The following SHISA9 variants were observed in gnomAD, a reference collection of about 807,000 sequenced individuals.
SHISA9 encodes the protein protein shisa-9.
Under a neutral mutation model 38.0 loss-of-function variants are expected in SHISA9, and 13 were observed. The ratio of observed to expected loss-of-function variants is 0.34; its 90% CI spans 0.22 to 0.54. The LOEUF is 0.54. Among genes scored for constraint, SHISA9 ranks in the 20% least tolerant of loss-of-function variants. SHISA9 has a pLI of 0.91. For synonymous variants in SHISA9, 275 were observed against 242.0 expected, an observed-to-expected ratio of 1.14 and a Z score of -1.27; for missense variants, 538 against 575.8, an observed-to-expected ratio of 0.93 and a Z score of 0.67.
chr16:12,993,493 GATAAA>G (rs1226746783), intron 2 of SHISA9, among the ~76,000 whole-genome samples: 3 of 152,216 alleles, frequency 2.0e-5, no homozygotes, highest in Non-Finnish European at 4.4e-5. Flanking sequence ...CAGGCATGAT[GATAAA>G]ATAAAATAAC....
chr16:13,145,184 T>C (rs1468613519), intron 2 of SHISA9, among the ~76,000 whole-genome samples: 1 of 152,168 alleles, frequency 6.6e-6, no homozygotes, highest in Non-Finnish European at 1.5e-5. Context: ...TGCAGCATAG[T>C]CCATTTTTGA....
At chr16:13,392,561 G>A in the SHISA9 span, among the ~76,000 whole-genome samples, 5 of 152,164 alleles carry the variant, frequency 3.3e-5, no homozygotes, top group African/African-American at 4.8e-5. Flanking sequence ...CGGCATTACA[G>A]ATCACTTAGA....
the SHISA9 span, among the ~76,000 whole-genome samples, chr16:13,308,522 G>A: frequency 2.0e-5 from 3 of 152,136 alleles, no homozygotes; most frequent in Non-Finnish European, 4.4e-5. Flanking sequence ...ATGGGTCTCA[G>A]ACAAATATTC....
chr16:13,145,393 G>A (rs1484365636), intron 2 of SHISA9, among the ~76,000 whole-genome samples: 4 of 152,150 alleles, frequency 2.6e-5, no homozygotes, highest in Admixed American at 2.6e-4. Flanking sequence ...CAGGTGTGGT[G>A]GTAGGCACCT....
intron 1 of SHISA9, chr16:12,909,283 C>A (rs1366666101): frequency 1.0e-6 from 1 of 985,042 alleles, no homozygotes; most frequent in Non-Finnish European, 1.2e-6. Context: ...TGAGCTTGGA[C>A]AAATGTCTAT....
intron 2 of SHISA9, among the ~76,000 whole-genome samples, chr16:13,071,600 C>CCTTCCTTCCTTCCTTCCTT (rs372979908): frequency 3.5e-4 from 51 of 145,256 alleles, no homozygotes; most frequent in African/African-American, 1.2e-3. Context: ...TTCCTTCCTT[C>CCTTCCTTCCTTCCTTCCTT]CCTTTCTTCC....
chr16:13,136,396 CTTTTTTTTTTT>C (rs35122409), intron 2 of SHISA9, among the ~76,000 whole-genome samples: 9 of 68,090 alleles, frequency 1.3e-4, no homozygotes, highest in East Asian at 4.5e-4. Flanking sequence ...CAGTTTCCTT[CTTTTTTTTTTT>C]TTTTTTTTTT....
At chr16:12,934,040 T>C (rs1399840023) in intron 2 of SHISA9, among the ~76,000 whole-genome samples, 2 of 152,022 alleles carry the variant, frequency 1.3e-5, no homozygotes, top group Non-Finnish European at 2.9e-5. Context: ...AAGGGCATTC[T>C]AGCCAAAACA....
chr16:13,550,300 C>T, the SHISA9 span, among the ~76,000 whole-genome samples: 1 of 152,100 alleles, frequency 6.6e-6, no homozygotes, highest in East Asian at 1.9e-4. Flanking sequence ...AGAAACTCTC[C>T]CATTCAGTTT....
intron 2 of SHISA9, among the ~76,000 whole-genome samples, chr16:13,185,371 A>G (rs2050811577): frequency 6.6e-6 from 1 of 152,014 alleles, no homozygotes; most frequent in African/African-American, 2.4e-5. Context: ...CTGGCTACTT[A>G]AAAATTTTTT....
chr16:13,017,043 G>A (rs1172126198), intron 2 of SHISA9, among the ~76,000 whole-genome samples: 1 of 148,422 alleles, frequency 6.7e-6, no homozygotes, highest in Non-Finnish European at 1.5e-5. Context: ...TTTTTGAGAC[G>A]GAGTCTTGCT....
At chr16:13,281,461 T>C in the SHISA9 span, among the ~76,000 whole-genome samples, 1 of 151,724 alleles carries the variant, frequency 6.6e-6, no homozygotes, top group Non-Finnish European at 1.5e-5. Context: ...TTAATTTTGG[T>C]GTGGTCCATT....
intron 2 of SHISA9, among the ~76,000 whole-genome samples, chr16:12,982,941 C>T (rs1320316305): frequency 3.9e-5 from 6 of 152,240 alleles, no homozygotes; most frequent in Admixed American, 3.9e-4. Context: ...CCATCCCCAT[C>T]ATCTTAGATG....
At chr16:13,390,845 G>A in the SHISA9 span, among the ~76,000 whole-genome samples, 2 of 152,196 alleles carry the variant, frequency 1.3e-5, no homozygotes, top group African/African-American at 4.8e-5. Flanking sequence ...ACTTCTCTTG[G>A]CTGTGTGTGT....
intron 2 of SHISA9, among the ~76,000 whole-genome samples, chr16:13,066,831 T>C (rs1299837717): frequency 6.6e-6 from 1 of 152,226 alleles, no homozygotes; most frequent in African/African-American, 2.4e-5. Flanking sequence ...TTCCCCAGTC[T>C]TGTCAAAGGT....
the SHISA9 span, among the ~76,000 whole-genome samples, chr16:13,492,887 G>C: frequency 6.6e-6 from 1 of 152,210 alleles, no homozygotes; most frequent in African/African-American, 2.4e-5. Flanking sequence ...CAGGTTCTGG[G>C]GTTGGAAGGA....
At chr16:13,546,542 A>G in the SHISA9 span, among the ~76,000 whole-genome samples, 1 of 152,202 alleles carries the variant, frequency 6.6e-6, no homozygotes, top group Non-Finnish European at 1.5e-5. Flanking sequence ...AAATGTATAC[A>G]GACTAAATTC....
At chr16:13,074,668 C>CTTT (rs947582644) in intron 2 of SHISA9, among the ~76,000 whole-genome samples, 2 of 141,112 alleles carry the variant, frequency 1.4e-5, no homozygotes, top group African/African-American at 5.2e-5. Flanking sequence ...TTTTCTTTTT[C>CTTT]TTTTTTTTTT....
chr16:13,469,320 G>GAGAGAGAGAGAAAGAAAGAAAGAA, the SHISA9 span, among the ~76,000 whole-genome samples: 2 of 61,616 alleles, frequency 3.2e-5, no homozygotes, highest in African/African-American at 7.8e-5. Context: ...GAGAGAGAGA[G>GAGAGAGAGAGAAAGAAAGAAAGAA]AGAAAGAAAG....
Sources: gnomAD v4.1 joint callset for allele counts (sites outside exome capture counted in the v4.1 genomes callset) on GRCh38, gnomAD v4.1.1 for gene constraint, MANE v1.5 for transcripts, NCBI Gene and HGNC (gene_info 2026-07-23, HGNC 2026-07-21) for gene names.